DNAH10: variants seen among roughly 807,000 people sequenced by gnomAD.
The protein encoded by DNAH10 is dynein axonemal heavy chain 10, also known as axonemal beta dynein heavy chain 10.
In DNAH10, 348 loss-of-function variants were observed where a neutral mutation model predicts 506.6. That is an observed-to-expected ratio of 0.69 (90% CI 0.63 to 0.75). The LOEUF (loss-of-function observed/expected upper bound fraction) is 0.75, where lower values mean the gene tolerates loss of function less well. DNAH10 is among the 30% of genes least tolerant of loss of function. The pLI, the probability that DNAH10 is intolerant of heterozygous loss-of-function variation, is 0.00. For synonymous variants in DNAH10, 2,059 were observed against 2,198.6 expected, an observed-to-expected ratio of 0.94 and a Z score of 1.78; for missense variants, 5,179 against 5,787.1, an observed-to-expected ratio of 0.89 and a Z score of 3.41.
intron 46 of DNAH10, among the ~76,000 whole-genome samples, chr12:123,874,379 T>G (rs1952159581): frequency 6.6e-6 from 1 of 151,490 alleles, no homozygotes; most frequent in South Asian, 2.1e-4. Flanking sequence ...CATCCACCCA[T>G]CTGCTATTTA....
At chr12:123,864,756 G>A (rs1951739226) in intron 40 of DNAH10, 26 bp downstream of exon 40, 1 of 1,586,450 alleles carries the variant, frequency 6.3e-7, no homozygotes, top group Admixed American at 1.9e-5. Context: ...AAGTAAATTT[G>A]AACATAAATC....
chr12:123,854,476 T>C (rs564736538), intron 36 of DNAH10, among the ~76,000 whole-genome samples: 1 of 152,348 alleles, frequency 6.6e-6, no homozygotes, highest in South Asian at 2.1e-4. Flanking sequence ...TTTACTGCCT[T>C]ACACTGAACC....
rs182053922 is a variant in DNAH10, at chr12:123,909,091, G to A, written c.9816-170G>A. ...GGGACCCGGCCCTGCCCTTAGGGACGCTCCCGCCCAGGAGTGCGGTTTGTG... is the reference window on the plus strand; with the variant it reads ...GGGACCCGGCCCTGCCCTTAGGGACACTCCCGCCCAGGAGTGCGGTTTGTG... On this transcript the variant is annotated intron_variant, in intron 57 of 78. Transcript: ENST00000673944. The surrounding 1 kb of genome is among the most constrained non-coding windows in gnomAD (Gnocchi z 5.4). Among the ~76,000 whole-genome samples, 10 of 152,268 alleles carry A rather than the reference G, an allele frequency of 6.6e-5. No homozygotes were observed. The highest frequency in any genetic ancestry group is 5.8e-4 in the East Asian group (3 of 5,182).
chr12:123,816,573 GA>G (rs1367461595), intron 21 of DNAH10, among the ~76,000 whole-genome samples: 1 of 152,200 alleles, frequency 6.6e-6, no homozygotes, highest in Non-Finnish European at 1.5e-5. Context: ...GGCTGTTCCT[GA>G]GTTGTGTCTT....
chr12:123,790,050 T>C lies in DNAH10; in HGVS notation c.1744T>C (p.Phe582Leu). 6.2e-7 allele frequency: 1 copy of C among 1,614,150 alleles called. No homozygotes were observed. Among genetic ancestry groups the C allele is most frequent in the Middle Eastern group, 1.6e-4 (1 of 6,062 alleles). ...GLVTPMENLT[F>L]DPFSIKSSQF... ...AGTCACCCCCATGGAAAACCTGACCTTTGACCCCTTCAGCATCAAGTCCTC... is the reference window on the plus strand; with the variant it reads ...AGTCACCCCCATGGAAAACCTGACCCTTGACCCCTTCAGCATCAAGTCCTC... Residue 582 changes from phenylalanine (F) to leucine (L), a missense_variant, in exon 11 of 79, where the codon TTT becomes CTT. Transcript: ENST00000673944.
chr12:123,866,748 G>A (rs1951828232), intron 41 of DNAH10, among the ~76,000 whole-genome samples: 1 of 152,186 alleles, frequency 6.6e-6, no homozygotes, highest in Admixed American at 6.5e-5. Flanking sequence ...TATACAAATG[G>A]GCATGGCTGT....
At position 123,926,927 on chromosome 12, in the gene DNAH10, T is replaced by C. The variant is rs958376284; in HGVS notation, c.12105+107T>C. ...AGCTGAGTGCCACGCCACAAATCAGTTGGATGCATTTCCGAGCTAAGAAGC... is the reference window on the plus strand; with the variant it reads ...AGCTGAGTGCCACGCCACAAATCAGCTGGATGCATTTCCGAGCTAAGAAGC... On this transcript the variant is annotated intron_variant, in intron 69 of 78. Transcript: ENST00000673944. The surrounding 1 kb of genome is among the most constrained non-coding windows in gnomAD (Gnocchi z 4.1). 8.0e-7 allele frequency: 1 copy of C among 1,251,258 alleles called. No individual in the cohort carries two copies. The highest frequency in any genetic ancestry group is 1.4e-5 in the South Asian group (1 of 71,902). 77.5% of individuals were successfully genotyped at this position (1,251,258 alleles called of 1,614,324 possible). A position where few individuals can be genotyped will look rare whatever the true frequency, so the allele number is the denominator to read the frequency against.
chr12:123,893,311 G>T lies in DNAH10; in HGVS notation c.9074G>T (p.Gly3025Val). 1 of 1,614,042 alleles carries T rather than the reference G, an allele frequency of 6.2e-7. No individual in the cohort carries two copies. The highest frequency in any genetic ancestry group is 2.2e-5 in the East Asian group (1 of 44,882). The change falls in exon 53 of 79, where the codon GGC (glycine) becomes GTC (valine). Residue 3025 changes from glycine (G) to valine (V), a missense_variant. Gly to Val is a moderately radical substitution (Grantham distance 109, BLOSUM62 -3). Around this residue, in one of 3 missense-constraint regions of DNAH10, gnomAD observed 4,844 missense variants for 5,430.5 expected, o/e 0.89. Transcript: ENST00000673944. ...SQIGQEALKQ[G>V]MGPAKESVWQ... ...ATTGGACAGGAAGCTCTGAAGCAAG[G>T]CATGGGGCCGGCCAAGGAGTCTGTG...
At chr12:123,791,140 C>A (rs1412975291) in intron 11 of DNAH10, among the ~76,000 whole-genome samples, 1 of 151,770 alleles carries the variant, frequency 6.6e-6, no homozygotes, top group Non-Finnish European at 1.5e-5. Flanking sequence ...CAAAAAAAAC[C>A]CAAAAAACAA....
chr12:123,847,849 C>T, intron 32 of DNAH10, 112 bp from the exon 33 acceptor site: 1 of 1,399,664 alleles, frequency 7.1e-7, no homozygotes, highest in Admixed American at 2.4e-5. Flanking sequence ...TGAAAGCAAA[C>T]ACCACATTCT....
Position 123,929,330 on chromosome 12 carries a change from A to G in DNAH10, c.12362A>G (p.Lys4121Arg), listed in dbSNP as rs202051956. 2 of 1,608,126 alleles carry G rather than the reference A, an allele frequency of 1.2e-6. No homozygotes were observed. Among genetic ancestry groups the G allele is most frequent in the African/African-American group, 1.3e-5 (1 of 74,998 alleles). The change falls in exon 71 of 79, where the codon AAG becomes AGG. Residue 4121 changes from lysine (K) to arginine (R), a missense_variant. Lys to Arg is a conservative substitution (Grantham distance 26). Coordinates refer to ENST00000673944, the MANE Select transcript of DNAH10 (RefSeq NM_001372106.1). ...LKLNMRATYF[K>R]ISHEMLDQCP... ...CTCAACATGAGGGCAACTTACTTCA[A>G]GATCTCTCACGAAATGCTGGACCAG...
intron 59 of DNAH10, among the ~76,000 whole-genome samples, chr12:123,911,042 C>G (rs1220352636): frequency 6.7e-6 from 1 of 148,328 alleles, no homozygotes; most frequent in Non-Finnish European, 1.5e-5. Flanking sequence ...CCTGTCTCTA[C>G]AAAAAAAAAG....
Position 123,771,639 on chromosome 12 carries a change from C to A in DNAH10, c.337C>A (p.Pro113Thr). The A allele has an allele frequency of 6.2e-7, 1 of 1,613,688 alleles. No homozygotes were observed. The highest frequency in any genetic ancestry group is 8.5e-7 in the Non-Finnish European group (1 of 1,179,792). Reference protein sequence around the residue: ...VSLRTESLGQPLNREDEEMDK... With the variant: ...VSLRTESLGQTLNREDEEMDK... ...ACTGAGAACCGAATCTCTAGGCCAACCTCTAAACAGAGAGGATGAAGAAAT... is the reference window on the plus strand; with the variant it reads ...ACTGAGAACCGAATCTCTAGGCCAAACTCTAAACAGAGAGGATGAAGAAAT... The change falls in exon 3 of 79, where the codon CCT (proline) becomes ACT (threonine). Residue 113 changes from proline (P) to threonine (T), a missense_variant. Pro to Thr is a conservative substitution (Grantham distance 38, BLOSUM62 -1). Around this residue, in one of 3 missense-constraint regions of DNAH10, gnomAD observed 326 missense variants for 330.8 expected, o/e 0.99. Transcript: ENST00000673944.
chr12:123,832,324 C>T (rs1020498083), intron 26 of DNAH10, among the ~76,000 whole-genome samples: 1 of 151,980 alleles, frequency 6.6e-6, no homozygotes, highest in East Asian at 1.9e-4. Flanking sequence ...AGTATGCACA[C>T]GTACATATAA....
intron 11 of DNAH10, among the ~76,000 whole-genome samples, chr12:123,792,796 C>T (rs897490040): frequency 2.6e-5 from 4 of 152,120 alleles, no homozygotes; most frequent in Admixed American, 6.6e-5. Flanking sequence ...ACAAAGCAGT[C>T]TAGGACCCTA....
rs1953074129 is a variant in DNAH10, at chr12:123,893,373, C to T, written c.9136C>T (p.His3046Tyr). The change falls in exon 53 of 79, where the codon CAC becomes TAC. Residue 3046 changes from histidine to tyrosine, a missense_variant. His to Tyr is a moderately conservative substitution (Grantham distance 83). Transcript: ENST00000673944. ...YFVNKSANNL[H>Y]IVLGMSPVGD... is the part of the protein sequence containing the mutation. Reference sequence around the variant, plus strand: ...CGTGAACAAAAGTGCAAATAACCTGCACATTGTCCTGGGCATGTCGCCAGT... The same window carrying T: ...CGTGAACAAAAGTGCAAATAACCTGTACATTGTCCTGGGCATGTCGCCAGT... The T allele has an allele frequency of 1.9e-6, 3 of 1,613,908 alleles. No individual in the cohort carries two copies. The highest frequency in any genetic ancestry group is 2.5e-6 in the Non-Finnish European group (3 of 1,179,900).
In DNAH10 at chr12:123,929,701, C is replaced by G. The variant is rs530825046; in HGVS notation, c.12554C>G (p.Ala4185Gly). ...MEILNTYLTK[A>G]FQQRDPRIPW... ...ATTCTGAACACGTACTTAACGAAAG[C>G]CTTCCAGCAACGGGACCCAAGGATC... is the stretch of plus-strand genomic sequence containing the variant. The change falls in exon 72 of 79, where the codon GCC becomes GGC. Residue 4185 changes from alanine (A) to glycine (G), a missense_variant. Physicochemically the swap from Ala to Gly is moderately conservative, Grantham distance 60. This residue lies in a region of DNAH10 where 4,844 missense variants were observed against 5,430.5 expected (regional missense o/e 0.89). Transcript: ENST00000673944. The G allele has an allele frequency of 3.1e-6, 5 of 1,613,646 alleles. No individual in the cohort carries two copies. The highest frequency in any genetic ancestry group is 2.7e-5 in the African/African-American group (2 of 75,050).
intron 37 of DNAH10, among the ~76,000 whole-genome samples, chr12:123,858,738 G>A (rs1051400004): frequency 3.3e-5 from 5 of 152,178 alleles, no homozygotes; most frequent in African/African-American, 1.2e-4. Context: ...CATCCCATGG[G>A]ATATATTTTG....
chr12:123,767,901 A>T (rs1194133526), intron 2 of DNAH10, among the ~76,000 whole-genome samples: 1 of 152,154 alleles, frequency 6.6e-6, no homozygotes, highest in Non-Finnish European at 1.5e-5. Context: ...AACAACACAG[A>T]TGTATTCTCT....
Sources: gnomAD v4.1 joint callset for allele counts (sites outside exome capture counted in the v4.1 genomes callset) on GRCh38, gnomAD v4.1.1 for gene constraint, gnomAD v4.1.1 regional missense constraint, Gnocchi (gnomAD v3.1) non-coding constraint, MANE v1.5 for transcripts, NCBI Gene and HGNC (gene_info 2026-07-23, HGNC 2026-07-21) for gene names.